The following SLC44A1 variants were observed in gnomAD, a reference collection of about 807,000 sequenced individuals.
SLC44A1 encodes solute carrier family 44 member 1, also known as choline transporter-like protein 1.
In SLC44A1, 26 loss-of-function variants were observed where a neutral mutation model predicts 79.3. The ratio of observed to expected loss-of-function variants is 0.33; its 90% CI spans 0.24 to 0.46. SLC44A1 has a LOEUF of 0.46. Among genes scored for constraint, SLC44A1 ranks in the 20% least tolerant of loss-of-function variants. SLC44A1 has a pLI of 1.00. For missense variants in SLC44A1, 688 were observed against 798.1 expected, an observed-to-expected ratio of 0.86 and a Z score of 1.66; for synonymous variants, 263 against 286.2, an observed-to-expected ratio of 0.92 and a Z score of 0.82.
intron 3 of SLC44A1, among the ~76,000 whole-genome samples, chr9:105,315,816 T>A (rs920683311): frequency 6.6e-6 from 1 of 152,216 alleles, no homozygotes; most frequent in Non-Finnish European, 1.5e-5. Context: ...GCTAAGCACT[T>A]GTACAGTGTT....
At chr9:105,304,494 A>G (rs1027417361) in intron 2 of SLC44A1, among the ~76,000 whole-genome samples, 7 of 152,070 alleles carry the variant, frequency 4.6e-5, no homozygotes, top group African/African-American at 1.2e-4. Flanking sequence ...AGTTAAATTC[A>G]TTTGTTTTTA....
At chr9:105,370,843 A>T (rs1263496581) in intron 12 of SLC44A1, among the ~76,000 whole-genome samples, 1 of 152,196 alleles carries the variant, frequency 6.6e-6, no homozygotes, top group African/African-American at 2.4e-5. Context: ...AACATAAGCT[A>T]GTACCTAGTT....
chr9:105,365,830 A>C lies in SLC44A1; in HGVS notation c.1410+191A>C, dbSNP rs531919499. Among the ~76,000 whole-genome samples the C allele has an allele frequency of 6.6e-5, 10 of 152,298 alleles. No individual in the cohort carries two copies. The South Asian group carries it at 1.7e-3, about 25-fold the overall frequency. ...ATGCTCTGGCAAAATTCATCCAGTC[A>C]CTAGTAACTAAAAGTATCCTGTGCT... On this transcript the variant is annotated intron_variant, in intron 11 of 15. Coordinates refer to ENST00000374720, the MANE Select transcript of SLC44A1 (RefSeq NM_080546.5).
At chr9:105,279,090 T>C (rs1830283849) in intron 1 of SLC44A1, among the ~76,000 whole-genome samples, 1 of 151,670 alleles carries the variant, frequency 6.6e-6, no homozygotes, top group African/African-American at 2.4e-5. Flanking sequence ...TTATTGATAG[T>C]CTAGGATTTT....
intron 1 of SLC44A1, among the ~76,000 whole-genome samples, chr9:105,246,036 A>G (rs1829437130): frequency 1.3e-5 from 2 of 152,196 alleles, no homozygotes; most frequent in Non-Finnish European, 2.9e-5. Context: ...GTAATCTCAC[A>G]GTTTCATTAG....
intron 13 of SLC44A1, among the ~76,000 whole-genome samples, chr9:105,380,370 A>T (rs2131458335): frequency 6.6e-6 from 1 of 150,546 alleles, no homozygotes; most frequent in South Asian, 2.1e-4. Context: ...TTTTTTTGAG[A>T]TGGAATCTGG....
chr9:105,342,284 C>G (rs1827117597), intron 4 of SLC44A1, among the ~76,000 whole-genome samples: 1 of 152,106 alleles, frequency 6.6e-6, no homozygotes, highest in African/African-American at 2.4e-5. Flanking sequence ...CGGACCTGCC[C>G]CATCCCACCC....
intron 1 of SLC44A1, among the ~76,000 whole-genome samples, chr9:105,293,067 A>G (rs1209771952): frequency 6.6e-6 from 1 of 152,166 alleles, no homozygotes; most frequent in South Asian, 2.1e-4. Context: ...TAAGGCAGGA[A>G]GATCACTTGA....
intron 3 of SLC44A1, among the ~76,000 whole-genome samples, chr9:105,323,587 A>G (rs1406190712): frequency 2.0e-5 from 3 of 152,202 alleles, no homozygotes; most frequent in Non-Finnish European, 4.4e-5. Context: ...TATTATAATC[A>G]TCTTCATTAT....
intron 8 of SLC44A1, among the ~76,000 whole-genome samples, chr9:105,362,359 A>G (rs913370992): frequency 6.6e-6 from 1 of 152,170 alleles, no homozygotes; most frequent in African/African-American, 2.4e-5. Flanking sequence ...TTTAGGTACA[A>G]TTTGCTGTGC....
rs1008490493 is a variant in SLC44A1, at chr9:105,244,889, C to T, written c.21C>T (p.Ala7=). 4,267 of 1,177,622 alleles carry T rather than the reference C, an allele frequency of 3.6e-3. 9 individuals are homozygous for T. The highest frequency in any genetic ancestry group is 4.2e-3 in the Non-Finnish European group (3,995 of 954,350). 72.9% of individuals were successfully genotyped at this position (1,177,622 alleles called of 1,614,324 possible). A position where few individuals can be genotyped will look rare whatever the true frequency, so the allele number is the denominator to read the frequency against. The change falls in exon 1 of 16, where the codon GCC becomes GCT. Residue 7 remains alanine, a synonymous_variant. Transcript: ENST00000374720. ...CCGCCATGGGCTGCTGCAGCTCCGC[C>T]TCCTCCGCCGCGCAGGTGAGGGGCT... MGCCSS[A]SSAAQSSKRE...
rs953674970 is a variant in SLC44A1 at position 105,271,373 on chromosome 9, T to TC, written c.36+26474dup. Among the ~76,000 whole-genome samples, 17 of 152,310 alleles carry TC rather than the reference T, an allele frequency of 1.1e-4. 1 individual carries two copies. The South Asian group carries it at 3.1e-3, about 28-fold the overall frequency. ...TCCTATGTTCCCTTGTATCTTTTTT[T>TC]CCCCCTAAATTACCTCCCTTAATTC... On this transcript the variant is annotated intron_variant, in intron 1 of 15. Transcript: ENST00000374720.
At chr9:105,421,456 A>G (rs936661192) in intron 15 of SLC44A1, among the ~76,000 whole-genome samples, 2 of 152,194 alleles carry the variant, frequency 1.3e-5, no homozygotes, top group Non-Finnish European at 2.9e-5. Context: ...TCAACTAAGC[A>G]TTAGAGCCAC....
At chr9:105,432,948 G>A (rs959292665) in intron 15 of SLC44A1, among the ~76,000 whole-genome samples, 2 of 152,110 alleles carry the variant, frequency 1.3e-5, no homozygotes, top group African/African-American at 2.4e-5. Flanking sequence ...ACTAAAAAAG[G>A]ATATTTGCAA....
At chr9:105,357,106 A>C (rs1827645808) in intron 6 of SLC44A1, 1 of 152,174 alleles carries the variant, frequency 6.6e-6, no homozygotes, top group Admixed American at 6.5e-5. Context: ...TACAAGCTGT[A>C]TTTCCGTCTT....
intron 5 of SLC44A1, among the ~76,000 whole-genome samples, chr9:105,352,721 A>G (rs1014689983): frequency 1.3e-5 from 2 of 152,200 alleles, no homozygotes; most frequent in Non-Finnish European, 2.9e-5. Context: ...CTAGCTCCTC[A>G]AAAGTATTAT....
chr9:105,315,326 A>G (rs1831293265), intron 3 of SLC44A1, among the ~76,000 whole-genome samples: 1 of 148,252 alleles, frequency 6.7e-6, no homozygotes, highest in Non-Finnish European at 1.5e-5. Context: ...AAAAATACTT[A>G]GCTTCAAATT....
In SLC44A1 at chr9:105,391,924, A is replaced by G; in HGVS notation, c.*2868A>G. 2 of 985,306 alleles carry G rather than the reference A, an allele frequency of 2.0e-6. No homozygotes were observed. The highest frequency in any genetic ancestry group is 2.4e-6 in the Non-Finnish European group (2 of 829,830). 61.0% of individuals were successfully genotyped at this position (985,306 alleles called of 1,614,324 possible). On this transcript the variant is annotated 3_prime_UTR_variant, in exon 16 of 16. Transcript: ENST00000374720. ...ATTGGGGTCCTCTATTGTCAATTGT[A>G]GTAGTGACCAGAGTATCGTGGTTTT...
At chr9:105,382,178 C>CT (rs546179450) in intron 13 of SLC44A1, among the ~76,000 whole-genome samples, 9 of 151,964 alleles carry the variant, frequency 5.9e-5, no homozygotes, top group Non-Finnish European at 8.8e-5. Flanking sequence ...TGGATCTACT[C>CT]TTTTTTTTCT....
Sources: allele counts gnomAD v4.1 joint callset (sites outside exome capture counted in the v4.1 genomes callset), GRCh38; gene constraint gnomAD v4.1.1; transcripts MANE v1.5; gene names NCBI Gene and HGNC (gene_info 2026-07-23, HGNC 2026-07-21).